The following TMBIM6 variants were observed in gnomAD, a reference collection of about 807,000 sequenced individuals.
TMBIM6 encodes the protein bax inhibitor 1.
TMBIM6 carries 13 observed loss-of-function variants against 31.4 expected under a neutral mutation model. The ratio of observed to expected loss-of-function variants is 0.41; its 90% CI spans 0.27 to 0.66. TMBIM6 has a LOEUF of 0.66. TMBIM6 is among the 30% of genes least tolerant of loss of function. The pLI is 0.28. For missense variants in TMBIM6, 275 were observed against 289.5 expected (o/e 0.95, Z 0.36); for synonymous variants, 85 against 101.7 (o/e 0.84, Z 0.99).
At chr12:49,750,065 T>G (rs1196943197) in intron 1 of TMBIM6, among the ~76,000 whole-genome samples, 1 of 152,238 alleles carries the variant, frequency 6.6e-6, no homozygotes, top group Non-Finnish European at 1.5e-5. Flanking sequence ...AATTGCCGTT[T>G]GACATCTCAT....
chr12:49,751,833 G>C (rs1362018741), intron 1 of TMBIM6, among the ~76,000 whole-genome samples: 3 of 143,812 alleles, frequency 2.1e-5, no homozygotes, highest in Non-Finnish European at 4.5e-5. Context: ...GCGTGTCTTG[G>C]CTCACTGCAG....
chr12:49,761,863 T>C (rs1945726050), intron 9 of TMBIM6, 84 bp downstream of exon 9: 5 of 1,348,414 alleles, frequency 3.7e-6, no homozygotes, highest in Admixed American at 3.6e-5. Context: ...GAAAACTTGC[T>C]CACACACTGT....
chr12:49,755,070 G>C (rs570037811), intron 3 of TMBIM6, among the ~76,000 whole-genome samples: 2 of 152,098 alleles, frequency 1.3e-5, no homozygotes, highest in African/African-American at 2.4e-5. Context: ...CAATTCTCTT[G>C]CCTCAGCCTC....
intron 8 of TMBIM6, among the ~76,000 whole-genome samples, 192 bp from the exon 9 acceptor site, chr12:49,761,512 T>C (rs1945718432): frequency 6.6e-6 from 1 of 152,234 alleles, no homozygotes. Flanking sequence ...GCCCAGTCTC[T>C]TTTCTCTATG....
At chr12:49,758,896 A>T (rs1945660079) in intron 7 of TMBIM6, 134 bp downstream of exon 7, 1 of 788,062 alleles carries the variant, frequency 1.3e-6, no homozygotes, top group African/African-American at 1.8e-5. Flanking sequence ...CCTTCATAGG[A>T]TGGAGCCTTC....
At chr12:49,750,330 C>A (rs1945472561) in intron 1 of TMBIM6, among the ~76,000 whole-genome samples, 1 of 152,158 alleles carries the variant, frequency 6.6e-6, no homozygotes, top group Non-Finnish European at 1.5e-5. Context: ...TTCTTTAATT[C>A]TTGTAATTGG....
rs1475127398 is a variant in TMBIM6, at chr12:49,758,285, T to C, written c.335+10T>C. ...TTGCTGTCAACCCCAGGTAACTCTT[T>C]TGGTAGTGTCTTATGTGCTTTTATC... On this transcript the variant is annotated intron_variant, in intron 5 of 9. Coordinates refer to ENST00000267115, the MANE Select transcript of TMBIM6 (RefSeq NM_003217.3). 1.2e-5 allele frequency: 19 copies of C among 1,614,074 alleles called. No individual in the cohort carries two copies. The highest frequency in any genetic ancestry group is 5.3e-5 in the African/African-American group (4 of 74,942).
chr12:49,748,232 T>TTG (rs1945433152), intron 1 of TMBIM6, among the ~76,000 whole-genome samples: 1 of 152,094 alleles, frequency 6.6e-6, no homozygotes, highest in African/African-American at 2.4e-5. Context: ...TTGTTTTGTT[T>TTG]TTAATTTAAG....
chr12:49,762,494 C>T (rs1041942397), intron 9 of TMBIM6, among the ~76,000 whole-genome samples: 3 of 152,300 alleles, frequency 2.0e-5, no homozygotes, highest in Non-Finnish European at 2.9e-5. Flanking sequence ...GAGCACTTCT[C>T]GCGCCTAATG....
chr12:49,750,297 C>A (rs2136938655), intron 1 of TMBIM6, among the ~76,000 whole-genome samples: 1 of 152,296 alleles, frequency 6.6e-6, no homozygotes, highest in Admixed American at 6.5e-5. Context: ...GTTTGAGGAT[C>A]CACCCCGCTC....
chr12:49,747,444 G>A (rs977683593), intron 1 of TMBIM6, among the ~76,000 whole-genome samples: 1 of 152,000 alleles, frequency 6.6e-6, no homozygotes, highest in Non-Finnish European at 1.5e-5. Flanking sequence ...AAGTAGTTGG[G>A]ACAACAGGCG....
At chr12:49,755,824 C>G (rs889795263) in intron 4 of TMBIM6, 69 bp downstream of exon 4, 1 of 1,531,142 alleles carries the variant, frequency 6.5e-7, no homozygotes, top group East Asian at 2.3e-5. Context: ...TTAGTTCCCC[C>G]CCCTTTTTTT....
chr12:49,759,148 C>A, intron 7 of TMBIM6, 73 bp from the exon 8 acceptor site: 1 of 1,301,230 alleles, frequency 7.7e-7, no homozygotes, highest in Non-Finnish European at 1.1e-6. Context: ...TGACTATGAG[C>A]CAGAAAGTAT....
intron 8 of TMBIM6, among the ~76,000 whole-genome samples, chr12:49,760,941 G>A (rs562746788): frequency 6.6e-6 from 1 of 152,134 alleles, no homozygotes; most frequent in Admixed American, 6.5e-5. Flanking sequence ...CCGGCTTCAG[G>A]TGTTTCTCCT....
At chr12:49,750,286 C>A (rs151026392) in intron 1 of TMBIM6, among the ~76,000 whole-genome samples, 8 of 152,196 alleles carry the variant, frequency 5.3e-5, no homozygotes, top group African/African-American at 1.4e-4. Flanking sequence ...ATCCCCTGGG[C>A]GTTTGAGGAT....
At chr12:49,743,933 C>T (rs1373514005) in intron 1 of TMBIM6, among the ~76,000 whole-genome samples, 1 of 152,160 alleles carries the variant, frequency 6.6e-6, no homozygotes, top group Non-Finnish European at 1.5e-5. Context: ...TATTGGCATT[C>T]AGTAGAGCAG....
At chr12:49,755,236 C>T (rs562807710) in intron 3 of TMBIM6, among the ~76,000 whole-genome samples, 4 of 152,248 alleles carry the variant, frequency 2.6e-5, no homozygotes, top group Admixed American at 2.6e-4. Flanking sequence ...GGATTACAGG[C>T]GTGAGCCACC....
intron 4 of TMBIM6, among the ~76,000 whole-genome samples, chr12:49,757,026 CT>C (rs1298243998): frequency 2.0e-5 from 3 of 151,950 alleles, no homozygotes; most frequent in Admixed American, 2.0e-4. Context: ...GCCACTGCCC[CT>C]GGCCCTAATT....
chr12:49,758,878 C>T (rs1238397402), intron 7 of TMBIM6, 116 bp downstream of exon 7: 2 of 884,532 alleles, frequency 2.3e-6, no homozygotes, highest in Admixed American at 2.6e-5. Flanking sequence ...TCTAAGCCTT[C>T]CCATTATCCT....
Sources: allele counts gnomAD v4.1 joint callset (sites outside exome capture counted in the v4.1 genomes callset), GRCh38; gene constraint gnomAD v4.1.1; transcripts MANE v1.5; gene names NCBI Gene and HGNC (gene_info 2026-07-23, HGNC 2026-07-21).